The following NRXN3 variants were observed in gnomAD, a reference collection of about 807,000 sequenced individuals.
NRXN3 encodes the protein neurexin III.
NRXN3 carries 32 observed loss-of-function variants against 137.6 expected under a neutral mutation model. The ratio of observed to expected loss-of-function variants is 0.23; its 90% confidence interval spans 0.18 to 0.31. The LOEUF is 0.31. NRXN3 is among the 10% of genes least tolerant of loss of function. The pLI, the probability that NRXN3 is intolerant of heterozygous loss-of-function variation, is 1.00. For missense variants in NRXN3, 1,574 were observed against 2,062.5 expected (o/e 0.76, Z 4.59); for synonymous variants, 798 against 784.5 (o/e 1.02, Z -0.29).
intron 10 of NRXN3, among the ~76,000 whole-genome samples, chr14:78,937,419 G>A (rs1325454522): frequency 6.6e-6 from 1 of 152,054 alleles, no homozygotes; most frequent in Non-Finnish European, 1.5e-5. Flanking sequence ...GAAACAGCAG[G>A]GGCTCACCTG....
intron 19 of NRXN3, among the ~76,000 whole-genome samples, chr14:79,755,088 A>G (rs1371848890): frequency 1.3e-5 from 2 of 152,152 alleles, no homozygotes; most frequent in Non-Finnish European, 2.9e-5. Context: ...ACTCTGTAAA[A>G]GCAAAATAAT....
chr14:78,878,075 T>TA (rs1487072160), intron 10 of NRXN3, among the ~76,000 whole-genome samples: 1 of 152,158 alleles, frequency 6.6e-6, no homozygotes, highest in Non-Finnish European at 1.5e-5. Flanking sequence ...TTAGTGAGAT[T>TA]AAATTTGGCT....
chr14:78,403,807 G>T (rs1317519752), intron 4 of NRXN3: 1 of 985,300 alleles, frequency 1.0e-6, no homozygotes, highest in South Asian at 4.7e-5. Flanking sequence ...TCTGCCCCCT[G>T]AGGTTGTGCT....
intron 15 of NRXN3, among the ~76,000 whole-genome samples, chr14:79,413,483 G>A (rs934460562): frequency 6.6e-6 from 1 of 152,176 alleles, no homozygotes; most frequent in Non-Finnish European, 1.5e-5. Context: ...TGCTGTAAAT[G>A]TACATGATAA....
chr14:79,560,336 A>C (rs2097479502), intron 16 of NRXN3, among the ~76,000 whole-genome samples: 1 of 151,884 alleles, frequency 6.6e-6, no homozygotes, highest in African/African-American at 2.4e-5. Flanking sequence ...ATTTTTAAAA[A>C]ATGTTATAAC....
chr14:79,804,905 C>G (rs757445358), intron 19 of NRXN3, among the ~76,000 whole-genome samples: 2 of 152,088 alleles, frequency 1.3e-5, no homozygotes, highest in Non-Finnish European at 2.9e-5. Flanking sequence ...GAAGACCCCC[C>G]TAAGACGGTC....
At chr14:79,166,658 C>T (rs2061313717) in intron 15 of NRXN3, among the ~76,000 whole-genome samples, 1 of 151,316 alleles carries the variant, frequency 6.6e-6, no homozygotes, top group South Asian at 2.1e-4. Flanking sequence ...TGGGCATTGG[C>T]AGGGTTACCA....
intron 15 of NRXN3, among the ~76,000 whole-genome samples, chr14:79,167,390 A>G (rs1345112113): frequency 1.3e-5 from 2 of 151,912 alleles, no homozygotes; most frequent in Non-Finnish European, 2.9e-5. Context: ...GGCTCCCCTT[A>G]TACTCTATGT....
intron 1 of NRXN3, among the ~76,000 whole-genome samples, chr14:78,190,339 CAACA>C (rs1420893497): frequency 6.6e-6 from 1 of 152,164 alleles, no homozygotes; most frequent in Non-Finnish European, 1.5e-5. Context: ...AACTAGAAAA[CAACA>C]AAATTCAGAA....
rs544496527 is a variant in NRXN3 at position 78,971,634 on chromosome 14, A to T, written c.3142+3288A>T. Among the ~76,000 whole-genome samples, 590 of 152,198 alleles carry T rather than the reference A, an allele frequency of 3.9e-3. 6 individuals carry two copies. Among genetic ancestry groups the T allele is most frequent in the Middle Eastern group, 6.8e-3 (2 of 294 alleles). On this transcript the variant is annotated intron_variant, in intron 14 of 20. Transcript: ENST00000335750. ...AAAATTATTTTTATTTATTTTATTG[A>T]TTGAGTGAGTGAGTGAGTGAGACGG...
rs1205737956 is a variant in NRXN3, at chr14:78,877,386, G to A, written c.2275+67042G>A. On this transcript the variant is annotated intron_variant, in intron 10 of 20. Transcript: ENST00000335750. ...CGTGTAAAGCCATCCCTTCTCTGAA[G>A]CTTTCCCTGACTTCTCTACCTTCCA... 2.0e-5 allele frequency among the ~76,000 whole-genome samples: 3 copies of A among 152,100 alleles called. No homozygotes were observed. In the East Asian group the frequency reaches 5.8e-4, roughly 29 times the overall value.
intron 16 of NRXN3, among the ~76,000 whole-genome samples, chr14:79,606,602 C>T (rs80232928): frequency 5.6e-4 from 85 of 152,310 alleles, no homozygotes; most frequent in Middle Eastern, 3.4e-3. Flanking sequence ...ATGATTCTTT[C>T]ATAGCTTGTA....
chr14:79,117,645 G>A (rs959865750), intron 15 of NRXN3, among the ~76,000 whole-genome samples: 3 of 152,176 alleles, frequency 2.0e-5, no homozygotes, highest in Admixed American at 2.0e-4. Context: ...CATGGTGAGT[G>A]GGAGTGAGGA....
At chr14:79,828,883 A>G (rs1161842977) in intron 20 of NRXN3, among the ~76,000 whole-genome samples, 1 of 151,460 alleles carries the variant, frequency 6.6e-6, no homozygotes, top group Non-Finnish European at 1.5e-5. Context: ...AATTAGTCAT[A>G]CAATAATTAT....
At chr14:78,887,119 A>G (rs926578631) in intron 10 of NRXN3, among the ~76,000 whole-genome samples, 3 of 152,178 alleles carry the variant, frequency 2.0e-5, no homozygotes, top group African/African-American at 4.8e-5. Context: ...AGCACTAACA[A>G]CTGTGTGCTC....
intron 7 of NRXN3, among the ~76,000 whole-genome samples, chr14:78,714,516 C>G (rs2098422941): frequency 6.6e-6 from 1 of 152,194 alleles, no homozygotes; most frequent in Admixed American, 6.5e-5. Flanking sequence ...AAAAGATACA[C>G]TAGATGTTAG....
intron 16 of NRXN3, among the ~76,000 whole-genome samples, chr14:79,629,181 A>G (rs2153929657): frequency 6.6e-6 from 1 of 152,056 alleles, no homozygotes; most frequent in Admixed American, 6.5e-5. Context: ...CAAAGACATT[A>G]TTTATTTTAG....
At chr14:79,422,697 CTTTTTTTTTTT>C (rs1185262366) in intron 15 of NRXN3, among the ~76,000 whole-genome samples, 2 of 130,174 alleles carry the variant, frequency 1.5e-5, no homozygotes, top group Non-Finnish European at 3.3e-5. Context: ...GTTCCACATT[CTTTTTTTTTTT>C]TTTTTTTTTG....
intron 10 of NRXN3, among the ~76,000 whole-genome samples, chr14:78,848,783 G>A (rs2099034736): frequency 6.6e-6 from 1 of 152,096 alleles, no homozygotes; most frequent in African/African-American, 2.4e-5. Flanking sequence ...GTTTCTGTAG[G>A]CAAAAGGAGA....
Sources: allele counts gnomAD v4.1 joint callset (sites outside exome capture counted in the v4.1 genomes callset), GRCh38; gene constraint gnomAD v4.1.1; transcripts MANE v1.5; gene names NCBI Gene and HGNC (gene_info 2026-07-23, HGNC 2026-07-21).